Variants in NFATC1 observed in about 807,000 individuals in gnomAD.
The protein encoded by NFATC1 is nuclear factor of activated T-cells, cytoplasmic 1.
A neutral mutation model predicts 76.0 loss-of-function variants in NFATC1; 22 were observed. The observed-to-expected ratio is 0.29, with a 90% CI of 0.21 to 0.41. The LOEUF is 0.41. Ranked by LOEUF, NFATC1 falls within the 10% of genes least tolerant of loss-of-function variation. The pLI is 1.00. For synonymous variants in NFATC1, 704 were observed against 613.1 expected (o/e 1.15, Z -2.19); for missense variants, 1,357 against 1,337.7 (o/e 1.01, Z -0.23).
Position 79,396,296 on chromosome 18 carries a change from A to T in NFATC1, c.72A>T (p.Gly24=). The change falls in exon 1 of 10, where the codon GGA becomes GGT. Residue 24 remains glycine (G), a synonymous_variant. Transcript: ENST00000427363. ...CTGCGGCTGCGGTCTTCGGGAGAGG[A>T]GAAACTTTGGGGCCCGCGCCGCGCG... ...LGPAAAVFGR[G]ETLGPAPRAG... is the part of the protein sequence containing the mutation. 6.9e-7 allele frequency: 1 copy of T among 1,447,202 alleles called. No homozygotes were observed. Among genetic ancestry groups the T allele is most frequent in the Non-Finnish European group, 9.2e-7 (1 of 1,087,754 alleles). 89.6% of individuals were successfully genotyped at this position (1,447,202 alleles called of 1,614,324 possible). A position where few individuals can be genotyped will look rare whatever the true frequency, so the allele number is the denominator to read the frequency against.
At chr18:79,461,193 C>G in intron 6 of NFATC1, 118 bp from the exon 7 acceptor site, 1 of 1,177,514 alleles carries the variant, frequency 8.5e-7, no homozygotes, top group Non-Finnish European at 1.2e-6. Flanking sequence ...CTACGTGGGT[C>G]TCCTGGGACA....
At chr18:79,479,028 G>A (rs994847879) in intron 8 of NFATC1, among the ~76,000 whole-genome samples, 1 of 152,224 alleles carries the variant, frequency 6.6e-6, no homozygotes, top group Non-Finnish European at 1.5e-5. Context: ...CATGGACAAC[G>A]GGACTGCCAT....
intron 3 of NFATC1, among the ~76,000 whole-genome samples, chr18:79,443,839 C>CCA (rs2087085435): frequency 6.6e-6 from 1 of 152,218 alleles, no homozygotes. Context: ...GCTGGTCCGC[C>CCA]CACCCTCTCT....
chr18:79,517,144 A>C (rs781634692), intron 9 of NFATC1, among the ~76,000 whole-genome samples: 6 of 152,232 alleles, frequency 3.9e-5, no homozygotes, highest in Non-Finnish European at 8.8e-5. Context: ...GACATCTTAG[A>C]AGTTAGTTAT....
intron 2 of NFATC1, among the ~76,000 whole-genome samples, chr18:79,430,762 C>T (rs980973037): frequency 6.6e-6 from 1 of 151,046 alleles, no homozygotes; most frequent in East Asian, 1.9e-4. Context: ...GGCACCGCCT[C>T]GCATCATCTG....
intron 9 of NFATC1, chr18:79,516,084 G>C (rs532243478): frequency 1.3e-5 from 2 of 152,046 alleles, no homozygotes; most frequent in African/African-American, 4.8e-5. Flanking sequence ...GTTTCCACAC[G>C]GCGTTTGCAT....
At chr18:79,425,815 A>G (rs1274112748) in intron 2 of NFATC1, among the ~76,000 whole-genome samples, 1 of 152,238 alleles carries the variant, frequency 6.6e-6, no homozygotes, top group Non-Finnish European at 1.5e-5. Flanking sequence ...GCAGAGGTTG[A>G]GACACAAGAC....
chr18:79,493,982 G>T (rs999381955), intron 9 of NFATC1, among the ~76,000 whole-genome samples: 23 of 152,106 alleles, frequency 1.5e-4, no homozygotes, highest in Non-Finnish European at 3.4e-4. Context: ...CCAACGCCAA[G>T]AGCCCGTCCA....
At chr18:79,437,093 AGGATGGCCGGCAGCCCCTGGT>A (rs1394753664) in intron 3 of NFATC1, among the ~76,000 whole-genome samples, 1 of 152,164 alleles carries the variant, frequency 6.6e-6, no homozygotes, top group East Asian at 1.9e-4. Flanking sequence ...TGGGTGGTTC[AGGATGGCCGGCAGCCCCTGGT>A]GGACGTGGTC....
chr18:79,442,591 C>A (rs117368211), intron 3 of NFATC1, among the ~76,000 whole-genome samples: 1 of 152,220 alleles, frequency 6.6e-6, no homozygotes, highest in Non-Finnish European at 1.5e-5. Context: ...GGCAGCTCAG[C>A]GCTGCTTCTC....
chr18:79,414,108 G>A (rs1568931055), intron 2 of NFATC1, among the ~76,000 whole-genome samples: 1 of 152,168 alleles, frequency 6.6e-6, no homozygotes, highest in Non-Finnish European at 1.5e-5. Context: ...CGGGTGCCCT[G>A]GGGCAGCTGG....
chr18:79,526,887 C>T (rs537602854), intron 9 of NFATC1, among the ~76,000 whole-genome samples: 10 of 152,336 alleles, frequency 6.6e-5, no homozygotes, highest in East Asian at 1.9e-4. Context: ...CGTCAGCGCA[C>T]GCCCCACCAG....
chr18:79,401,717 A>C (rs1366815814), intron 1 of NFATC1, among the ~76,000 whole-genome samples: 1 of 152,224 alleles, frequency 6.6e-6, no homozygotes, highest in East Asian at 1.9e-4. Context: ...GAGTGTGGCC[A>C]CCAGGGTGGC....
intron 2 of NFATC1, among the ~76,000 whole-genome samples, chr18:79,418,291 A>G (rs941277761): frequency 5.3e-5 from 8 of 152,148 alleles, no homozygotes; most frequent in African/African-American, 1.9e-4. Flanking sequence ...CGGCCACCCG[A>G]CTGTGGACGC....
chr18:79,503,424 A>AC (rs375645214), intron 9 of NFATC1, among the ~76,000 whole-genome samples: 26 of 152,324 alleles, frequency 1.7e-4, no homozygotes, highest in African/African-American at 6.0e-4. Flanking sequence ...GCGTGGGGTG[A>AC]CCAGGTGCAT....
chr18:79,528,978 C>T lies in NFATC1; in HGVS notation c.*1401C>T, dbSNP rs1443407483. The T allele has an allele frequency of 1.3e-5, 2 of 152,610 alleles. No homozygotes were observed. The highest frequency in any genetic ancestry group is 6.5e-5 in the Admixed American group (1 of 15,282). The allele number at this position is 152,610 out of a possible 1,614,324, so 9.5% of individuals were successfully genotyped here. Reference sequence around the variant, plus strand: ...CCTTATGGAACCTGCCTGAATTGCACCTGCGGGTGGAGGCTCCGGCTGTGA... The same window carrying T: ...CCTTATGGAACCTGCCTGAATTGCATCTGCGGGTGGAGGCTCCGGCTGTGA... On this transcript the variant is annotated 3_prime_UTR_variant, in exon 10 of 10. Coordinates refer to ENST00000427363, the MANE Select transcript of NFATC1 (RefSeq NM_001278669.2).
intron 9 of NFATC1, chr18:79,493,631 T>G (rs2089765831): frequency 6.6e-6 from 1 of 152,196 alleles, no homozygotes; most frequent in South Asian, 2.1e-4. Flanking sequence ...CCGGAGCTGC[T>G]CCGGAGGACG....
rs8085026 is a variant in NFATC1, at chr18:79,510,695, G to A, written c.2783-16833G>A. On this transcript the variant is annotated intron_variant, in intron 9 of 9. Coordinates refer to ENST00000427363, the MANE Select transcript of NFATC1 (RefSeq NM_001278669.2). Reference sequence around the variant, plus strand: ...TTCCAAGTCTGCTGGGTTTGGGAGCGGTCGGTTGATAGAATTTCTTCTAGA... The same window carrying A: ...TTCCAAGTCTGCTGGGTTTGGGAGCAGTCGGTTGATAGAATTTCTTCTAGA... 2.6e-5 allele frequency among the ~76,000 whole-genome samples: 4 copies of A among 152,332 alleles called. No homozygotes were observed. In the South Asian group the frequency reaches 6.2e-4, roughly 24 times the overall value.
chr18:79,450,474 G>C (rs1019100313), intron 4 of NFATC1, among the ~76,000 whole-genome samples: 10 of 149,918 alleles, frequency 6.7e-5, no homozygotes, highest in African/African-American at 2.2e-4. Context: ...TATTGTAAAT[G>C]ATAATAATAA....
Sources: gnomAD v4.1 joint callset for allele counts (sites outside exome capture counted in the v4.1 genomes callset) on GRCh38, gnomAD v4.1.1 for gene constraint, MANE v1.5 for transcripts, NCBI Gene and HGNC (gene_info 2026-07-23, HGNC 2026-07-21) for gene names.